NUP210L: variants seen among roughly 807,000 people sequenced by gnomAD.
The protein encoded by NUP210L is nucleoporin 210 like, also known as nuclear pore membrane glycoprotein 210-like.
In NUP210L, 74 loss-of-function variants were observed where a neutral mutation model predicts 208.5. The observed-to-expected ratio is 0.35, with a 90% CI of 0.29 to 0.43. The LOEUF is 0.43. Ranked by LOEUF, NUP210L falls within the 20% of genes least tolerant of loss-of-function variation. The pLI is 1.00. For synonymous variants in NUP210L, 780 were observed against 816.9 expected (o/e 0.95, Z 0.77); for missense variants, 1,843 against 2,289.4 (o/e 0.81, Z 3.98).
chr1:154,138,331 T>C, intron 5 of NUP210L, 93 bp from the exon 6 acceptor site: 1 of 1,155,854 alleles, frequency 8.7e-7, no homozygotes, highest in Non-Finnish European at 1.2e-6. Context: ...TCTTTTAAAC[T>C]TCTTTTAAAA....
chr1:153,997,715 C>CA (rs1464708686), intron 37 of NUP210L, among the ~76,000 whole-genome samples: 1 of 130,884 alleles, frequency 7.6e-6, no homozygotes, highest in Non-Finnish European at 1.6e-5. Flanking sequence ...TTTTTTGAGA[C>CA]AGAGTCTTGC....
chr1:154,033,076 C>T (rs919004704), intron 27 of NUP210L, among the ~76,000 whole-genome samples: 1 of 151,972 alleles, frequency 6.6e-6, no homozygotes, highest in Non-Finnish European at 1.5e-5. Flanking sequence ...CAATCTTTTG[C>T]CCATTTTAAA....
At chr1:154,038,870 T>G (rs1652706828) in intron 27 of NUP210L, among the ~76,000 whole-genome samples, 1 of 152,208 alleles carries the variant, frequency 6.6e-6, no homozygotes, top group Non-Finnish European at 1.5e-5. Flanking sequence ...ACACACAAAC[T>G]AACAAACAGG....
chr1:154,137,841 G>A (rs559888096), intron 6 of NUP210L, among the ~76,000 whole-genome samples: 4 of 152,290 alleles, frequency 2.6e-5, no homozygotes, highest in Admixed American at 6.5e-5. Context: ...AATTACAAGC[G>A]AGAGCCACCA....
chr1:154,054,378 T>C (rs937329304), exon 25 of NUP210L: 5 of 1,614,034 alleles, frequency 3.1e-6, no homozygotes, highest in Admixed American at 1.7e-5. Context: ...GAACGATGGA[T>C]TGGGGCTGGG....
chr1:154,093,742 G>T (rs1326422435), intron 15 of NUP210L, among the ~76,000 whole-genome samples: 2 of 152,188 alleles, frequency 1.3e-5, no homozygotes, highest in Non-Finnish European at 2.9e-5. Context: ...CTGTTTCACA[G>T]TCATACCTTG....
chr1:154,030,233 A>G (rs543890372), intron 27 of NUP210L, among the ~76,000 whole-genome samples, 179 bp from the exon 28 acceptor site: 18 of 152,120 alleles, frequency 1.2e-4, no homozygotes, highest in African/African-American at 3.1e-4. Flanking sequence ...TGCTTGGGTG[A>G]TGGGTGCACC....
intron 3 of NUP210L, among the ~76,000 whole-genome samples, chr1:154,142,119 C>T (rs567426709): frequency 3.9e-4 from 58 of 150,560 alleles, no homozygotes; most frequent in African/African-American, 1.3e-3. Flanking sequence ...CTTGTGTCAC[C>T]GCACTCCAGC....
At chr1:154,023,034 G>C in intron 31 of NUP210L, 88 bp downstream of exon 31, 1 of 1,307,516 alleles carries the variant, frequency 7.6e-7, no homozygotes, top group Non-Finnish European at 1.1e-6. Context: ...CAGAATGTGA[G>C]AGGAATTTAC....
At chr1:154,081,126 A>G (rs1376537379) in intron 16 of NUP210L, among the ~76,000 whole-genome samples, 1 of 152,106 alleles carries the variant, frequency 6.6e-6, no homozygotes, top group African/African-American at 2.4e-5. Context: ...AAGTATAAAT[A>G]AATTTTATGT....
chr1:154,036,516 C>G (rs1315040927), intron 27 of NUP210L, among the ~76,000 whole-genome samples: 1 of 151,292 alleles, frequency 6.6e-6, no homozygotes, highest in African/African-American at 2.4e-5. Context: ...AGGTGCCCAC[C>G]ACCGTGCCCA....
chr1:154,147,383 T>C (rs138659987), intron 2 of NUP210L, among the ~76,000 whole-genome samples: 2 of 151,332 alleles, frequency 1.3e-5, no homozygotes, highest in African/African-American at 4.8e-5. Flanking sequence ...AAACAAGGTC[T>C]CTGGAGTGCA....
chr1:154,128,019 G>C (rs1172875514), intron 8 of NUP210L, among the ~76,000 whole-genome samples: 1 of 151,866 alleles, frequency 6.6e-6, no homozygotes, highest in Non-Finnish European at 1.5e-5. Context: ...TTAGAACACT[G>C]CGCCTGGCTA....
At chr1:154,031,036 C>T (rs190187175) in intron 27 of NUP210L, among the ~76,000 whole-genome samples, 2 of 152,308 alleles carry the variant, frequency 1.3e-5, no homozygotes, top group Non-Finnish European at 1.5e-5. Context: ...GCGTGAGCCA[C>T]TGTGCCCAGC....
chr1:154,065,191 G>A (rs1236034084), intron 17 of NUP210L, among the ~76,000 whole-genome samples: 1 of 151,750 alleles, frequency 6.6e-6, no homozygotes, highest in African/African-American at 2.4e-5. Context: ...AGGCTGAGGT[G>A]GGAGGATCAC....
exon 20 of NUP210L, chr1:154,060,610 T>A: frequency 6.2e-7 from 1 of 1,613,176 alleles, no homozygotes; most frequent in Non-Finnish European, 8.5e-7. Flanking sequence ...GACTAAAAAA[T>A]AACCAGATCC....
chr1:154,056,787 CA>C, intron 23 of NUP210L, 27 bp downstream of exon 23: 2 of 1,542,388 alleles, frequency 1.3e-6, no homozygotes, highest in Non-Finnish European at 1.7e-6. Flanking sequence ...AGAAAAAGTA[CA>C]AATTTTGGAT....
At chr1:154,145,393 G>C (rs544057281) in intron 2 of NUP210L, among the ~76,000 whole-genome samples, 3 of 152,118 alleles carry the variant, frequency 2.0e-5, no homozygotes, top group Admixed American at 2.0e-4. Context: ...ACTCCAGCCT[G>C]GGTGACAGAG....
chr1:154,121,017 A>G (rs1199333448), intron 10 of NUP210L, among the ~76,000 whole-genome samples: 1 of 152,080 alleles, frequency 6.6e-6, no homozygotes, highest in Non-Finnish European at 1.5e-5. Context: ...TGGTAGTGAG[A>G]TCTTCTTCAA....
Sources: gnomAD v4.1 joint callset for allele counts (sites outside exome capture counted in the v4.1 genomes callset) on GRCh38, gnomAD v4.1.1 for gene constraint, MANE v1.5 for transcripts, NCBI Gene and HGNC (gene_info 2026-07-23, HGNC 2026-07-21) for gene names.